The following MAGI1 variants were observed in gnomAD, a reference collection of about 807,000 sequenced individuals.
MAGI1 encodes the protein membrane-associated guanylate kinase, WW and PDZ domain-containing protein 1.
In MAGI1, 58 loss-of-function variants were observed where a neutral mutation model predicts 139.9. That is an observed-to-expected ratio of 0.41 (90% CI 0.34 to 0.52). The LOEUF (loss-of-function observed/expected upper bound fraction) is 0.52, where lower values mean the gene tolerates loss of function less well. Among genes scored for constraint, MAGI1 ranks in the 20% least tolerant of loss-of-function variants. The pLI is 0.12. For missense variants in MAGI1, 1,874 were observed against 1,901.6 expected, an observed-to-expected ratio of 0.99 and a Z score of 0.27; for synonymous variants, 812 against 737.9, an observed-to-expected ratio of 1.10 and a Z score of -1.63.
chr3:65,825,962 G>C (rs1226010957), intron 1 of MAGI1, among the ~76,000 whole-genome samples: 1 of 152,044 alleles, frequency 6.6e-6, no homozygotes, highest in Non-Finnish European at 1.5e-5. Flanking sequence ...ACTCCAGCCT[G>C]GGCGACAGAG....
intron 1 of MAGI1, among the ~76,000 whole-genome samples, chr3:65,842,628 T>C (rs1240299745): frequency 6.6e-6 from 1 of 152,206 alleles, no homozygotes; most frequent in Non-Finnish European, 1.5e-5. Context: ...CCCAAAGTGC[T>C]TGGATTACAA....
intron 2 of MAGI1, among the ~76,000 whole-genome samples, chr3:65,530,249 T>C (rs540280875): frequency 1.3e-5 from 2 of 152,268 alleles, no homozygotes; most frequent in East Asian, 3.9e-4. Context: ...ATGTCATCCA[T>C]GTCACTGAAT....
At chr3:65,637,480 G>A (rs2084693559) in intron 1 of MAGI1, among the ~76,000 whole-genome samples, 1 of 151,476 alleles carries the variant, frequency 6.6e-6, no homozygotes, top group African/African-American at 2.4e-5. Context: ...CCTGGGCCTG[G>A]GAAATCAAGG....
rs763951532 is a variant in MAGI1, at chr3:65,356,559, C to T, written c.4208G>A (p.Arg1403His). Residue 1403 changes from arginine (R) to histidine (H), a missense_variant, in exon 23 of 23, where the codon CGC becomes CAC. Arg to His is a conservative substitution (Grantham distance 29). Transcript: ENST00000402939. ...ERRAKSTDRR[R>H]ARSPERRRER... ...TCTCCTGCGCTCGGGGGAGCGTGCG[C>T]GCCTCCGGTCGGTGGACTTGGCCCT... 2.5e-6 allele frequency: 4 copies of T among 1,606,736 alleles called. No homozygotes were observed. The highest frequency in any genetic ancestry group is 1.7e-6 in the Non-Finnish European group (2 of 1,178,798).
intron 12 of MAGI1, among the ~76,000 whole-genome samples, chr3:65,421,022 T>C (rs551392687): frequency 5.3e-5 from 8 of 152,174 alleles, no homozygotes; most frequent in Non-Finnish European, 1.0e-4. Flanking sequence ...CAAAAATCCG[T>C]AAAGAAACCA....
intron 1 of MAGI1, among the ~76,000 whole-genome samples, chr3:65,950,060 AAAAAAAC>A (rs1368723114): frequency 5.6e-5 from 1 of 17,774 alleles, no homozygotes; most frequent in Non-Finnish European, 2.9e-4. Context: ...AAAAAAAAAC[AAAAAAAC>A]AAAAAAAAAA....
chr3:65,519,466 A>T (rs2078054807), intron 2 of MAGI1, among the ~76,000 whole-genome samples: 1 of 151,842 alleles, frequency 6.6e-6, no homozygotes, highest in Admixed American at 6.6e-5. Flanking sequence ...GCTCACTGCA[A>T]CCTCAGCCTC....
rs140075387 is a variant in MAGI1, at chr3:65,702,481, T to C, written c.314-80393A>G. Among the ~76,000 whole-genome samples, 7 of 152,260 alleles carry C rather than the reference T, an allele frequency of 4.6e-5. No individual in the cohort carries two copies. The South Asian group carries it at 1.2e-3, about 27-fold the overall frequency. On this transcript the variant is annotated intron_variant, in intron 1 of 22. Coordinates refer to ENST00000402939, the MANE Select transcript of MAGI1 (RefSeq NM_001033057.2). Reference sequence around the variant, plus strand: ...TAAGGTGTCAATTTTACAATATATATGCAGAATCCAGGCCAGAAGCTATTA... The same window carrying C: ...TAAGGTGTCAATTTTACAATATATACGCAGAATCCAGGCCAGAAGCTATTA...
intron 1 of MAGI1, among the ~76,000 whole-genome samples, chr3:65,916,600 T>A (rs1244113991): frequency 6.6e-6 from 1 of 152,064 alleles, no homozygotes; most frequent in Non-Finnish European, 1.5e-5. Context: ...GATTCAATTA[T>A]CTCCCACCAG....
intron 1 of MAGI1, among the ~76,000 whole-genome samples, chr3:65,637,610 AAGAAAG>A (rs2084716758): frequency 6.7e-6 from 1 of 149,134 alleles, no homozygotes; most frequent in Non-Finnish European, 1.5e-5. Flanking sequence ...GAAAGAAAGA[AAGAAAG>A]AAAATTGCAA....
intron 1 of MAGI1, among the ~76,000 whole-genome samples, chr3:65,811,959 T>TGTGA (rs1415448646): frequency 2.3e-4 from 33 of 143,554 alleles, no homozygotes; most frequent in African/African-American, 8.0e-4. Context: ...TGTGTGTGTG[T>TGTGA]GAGAGAGAGA....
intron 1 of MAGI1, among the ~76,000 whole-genome samples, chr3:65,862,943 C>G (rs2108449677): frequency 6.6e-6 from 1 of 152,350 alleles, no homozygotes; most frequent in South Asian, 2.1e-4. Context: ...TTCCCACTAT[C>G]TACAGAATGA....
At chr3:65,419,771 C>T (rs1019227941) in intron 12 of MAGI1, among the ~76,000 whole-genome samples, 16 of 149,314 alleles carry the variant, frequency 1.1e-4, no homozygotes, top group African/African-American at 3.9e-4. Context: ...TCAGCAAATA[C>T]AGCCCATGGG....
chr3:65,812,696 TTAC>T (rs1263676038), intron 1 of MAGI1, among the ~76,000 whole-genome samples: 1 of 141,434 alleles, frequency 7.1e-6, no homozygotes, highest in East Asian at 2.0e-4. Flanking sequence ...TAAAGTTAGT[TTAC>T]TTTTTTTTTT....
At chr3:65,731,650 G>A (rs1189834722) in intron 1 of MAGI1, among the ~76,000 whole-genome samples, 9 of 133,134 alleles carry the variant, frequency 6.8e-5, no homozygotes, top group Non-Finnish European at 1.3e-4. Context: ...GTGAGACTCT[G>A]TCTCAAAAAA....
At chr3:65,718,888 T>C (rs1233515274) in intron 1 of MAGI1, among the ~76,000 whole-genome samples, 1 of 151,956 alleles carries the variant, frequency 6.6e-6, no homozygotes, top group Non-Finnish European at 1.5e-5. Context: ...TTCTTTTGTT[T>C]CCTTCCTCCC....
chr3:65,758,694 C>A (rs1175376679), intron 1 of MAGI1, among the ~76,000 whole-genome samples: 2 of 152,096 alleles, frequency 1.3e-5, no homozygotes, highest in East Asian at 3.9e-4. Context: ...AAATACCCTA[C>A]AATGCACAGG....
rs192954775 is a variant in MAGI1 at position 65,487,294 on chromosome 3, G to A, written c.550+6218C>T. 2.2e-3 allele frequency among the ~76,000 whole-genome samples: 336 copies of A among 152,216 alleles called. 3 individuals are homozygous for A. Among genetic ancestry groups the A allele is most frequent in the Admixed American group, 3.8e-3 (58 of 15,292 alleles). ...TTGGATATTCGTTTATTTAAATAAA[G>A]TGTCTTGTTCACTAGACATTTAAGA... On this transcript the variant is annotated intron_variant, in intron 3 of 22. Transcript: ENST00000402939.
At chr3:66,031,347 T>C (rs1300161989) in intron 1 of MAGI1, among the ~76,000 whole-genome samples, 8 of 152,206 alleles carry the variant, frequency 5.3e-5, no homozygotes, top group Admixed American at 3.9e-4. Context: ...TAAACCCTTG[T>C]GGTAAGGAGA....
Sources: allele counts gnomAD v4.1 joint callset (sites outside exome capture counted in the v4.1 genomes callset), GRCh38; gene constraint gnomAD v4.1.1; transcripts MANE v1.5; gene names NCBI Gene and HGNC (gene_info 2026-07-23, HGNC 2026-07-21).